Variants in CAPN14 observed in about 807,000 individuals in gnomAD.
CAPN14 encodes the protein calpain 14, also known as calpain-14.
Under a neutral mutation model 101.3 loss-of-function variants are expected in CAPN14, and 94 were observed. The ratio of observed to expected loss-of-function variants is 0.93; its 90% CI spans 0.79 to 1.10. The LOEUF is 1.10. Among genes scored for constraint, CAPN14 ranks in the 50% least tolerant of loss-of-function variants. CAPN14 has a pLI of 0.00. For missense variants in CAPN14, 837 were observed against 828.4 expected, an observed-to-expected ratio of 1.01 and a Z score of -0.13; for synonymous variants, 338 against 317.9, an observed-to-expected ratio of 1.06 and a Z score of -0.67.
chr2:31,203,287 T>C, intron 2 of CAPN14, 148 bp from the exon 3 acceptor site: 1 of 624,996 alleles, frequency 1.6e-6, no homozygotes, highest in Non-Finnish European at 2.8e-6. Flanking sequence ...CCAGAAGATC[T>C]GGGATACAGA....
At chr2:31,193,334 G>C (rs768214610) in intron 9 of CAPN14, 40 bp from the exon 10 acceptor site, 18 of 1,544,634 alleles carry the variant, frequency 1.2e-5, no homozygotes, top group African/African-American at 6.9e-5. Context: ...AGATGGACCA[G>C]ATAACGCCTA....
chr2:31,211,483 T>A (rs890245716), intron 1 of CAPN14, among the ~76,000 whole-genome samples: 1 of 152,146 alleles, frequency 6.6e-6, no homozygotes, highest in Non-Finnish European at 1.5e-5. Flanking sequence ...GGAAAAAAAA[T>A]CTATTCTTCA....
chr2:31,197,274 C>A lies in CAPN14; in HGVS notation c.850G>T (p.Glu284Ter). Reference protein sequence around the residue: ...VKLRNPWGKVEWKGDWSDSSS... With the variant: ...VKLRNPWGKV ...CTGTCACTCCAGTCTCCTTTCCATT[C>A]CACCTTTCCCCAGGGGTTCCGTAGC... The change falls in exon 8 of 22, where the codon GAA (glutamate) becomes TAA (stop). Residue 284 changes from glutamate (E) to a stop codon, truncating the protein, a stop_gained. Coordinates refer to ENST00000403897, the MANE Select transcript of CAPN14 (RefSeq NM_001145122.2). LOFTEE classifies it high-confidence loss of function. The A allele has an allele frequency of 6.4e-7, 1 of 1,551,246 alleles. No individual in the cohort carries two copies. Among genetic ancestry groups the A allele is most frequent in the South Asian group, 1.2e-5 (1 of 84,054 alleles).
At position 31,176,653 on chromosome 2, in the gene CAPN14, G is replaced by A; in HGVS notation, c.1973-11C>T. ...AGTTTTGGAAGACATCTGTGAAAATGCAGCAGAAAGGAATACAGCTAATGT... is the reference window on the plus strand; with the variant it reads ...AGTTTTGGAAGACATCTGTGAAAATACAGCAGAAAGGAATACAGCTAATGT... On this transcript the variant is annotated splice_polypyrimidine_tract_variant and intron_variant, in intron 20 of 21. Transcript: ENST00000403897. 1 of 1,549,586 alleles carries A rather than the reference G, an allele frequency of 6.5e-7. No homozygotes were observed. Among genetic ancestry groups the A allele is most frequent in the Non-Finnish European group, 8.7e-7 (1 of 1,145,048 alleles).
intron 12 of CAPN14, among the ~76,000 whole-genome samples, chr2:31,190,811 G>C (rs1338405129): frequency 6.6e-6 from 1 of 152,146 alleles, no homozygotes; most frequent in Non-Finnish European, 1.5e-5. Context: ...TTTTACTCCT[G>C]TTTTCTTTGG....
chr2:31,222,190 T>C (rs1682880427), upstream of CAPN14, among the ~76,000 whole-genome samples: 1 of 152,220 alleles, frequency 6.6e-6, no homozygotes, highest in African/African-American at 2.4e-5. Flanking sequence ...AAGGTTTATC[T>C]GTGCCTTTCA....
chr2:31,199,616 C>A (rs962694512), intron 6 of CAPN14, 84 bp from the exon 7 acceptor site: 1 of 1,148,824 alleles, frequency 8.7e-7, no homozygotes, highest in African/African-American at 1.6e-5. Context: ...TTGGCTGGAG[C>A]AGGGGTTTAT....
chr2:31,176,703 G>C lies in CAPN14; in HGVS notation c.1973-61C>G, dbSNP rs1680310024. On this transcript the variant is annotated intron_variant, in intron 20 of 21. Coordinates refer to ENST00000403897, the MANE Select transcript of CAPN14 (RefSeq NM_001145122.2). ...TGTCTATTGGAAACATTATGAATTAGTTCCTCCCATATGTCTCACCTTAAC... is the reference window on the plus strand; with the variant it reads ...TGTCTATTGGAAACATTATGAATTACTTCCTCCCATATGTCTCACCTTAAC... 5 of 1,414,662 alleles carry C rather than the reference G, an allele frequency of 3.5e-6. No individual in the cohort carries two copies. The South Asian group carries it at 4.9e-5, about 14-fold the overall frequency. 87.6% of individuals were successfully genotyped at this position (1,414,662 alleles called of 1,614,324 possible).
intron 21 of CAPN14, among the ~76,000 whole-genome samples, chr2:31,174,909 A>C (rs1315621994): frequency 3.9e-5 from 6 of 152,242 alleles, no homozygotes; most frequent in African/African-American, 1.2e-4. Flanking sequence ...GAATGATGAC[A>C]GTCAAATACA....
At chr2:31,229,977 T>G (rs1217145022) in intron 1 of CAPN14, among the ~76,000 whole-genome samples, 1 of 152,244 alleles carries the variant, frequency 6.6e-6, no homozygotes, top group African/African-American at 2.4e-5. Context: ...CACCATATTT[T>G]GGCATAGGTA....
intron 12 of CAPN14, 92 bp from the exon 13 acceptor site, chr2:31,189,570 G>A (rs972254699): frequency 3.2e-5 from 34 of 1,052,496 alleles, no homozygotes; most frequent in Non-Finnish European, 4.7e-5. Context: ...CCAGGACTAA[G>A]GTGGCCTCTG....
intron 1 of CAPN14, among the ~76,000 whole-genome samples, chr2:31,229,908 C>T (rs1288219931): frequency 6.6e-6 from 1 of 152,162 alleles, no homozygotes; most frequent in Non-Finnish European, 1.5e-5. Flanking sequence ...TGACCTGAAA[C>T]ATTAATGAAA....
chr2:31,184,795 A>G (rs1477257803), intron 16 of CAPN14, among the ~76,000 whole-genome samples: 2 of 152,224 alleles, frequency 1.3e-5, no homozygotes, highest in Non-Finnish European at 2.9e-5. Context: ...CTGGAACACA[A>G]TTTTAAAAGC....
intron 16 of CAPN14, among the ~76,000 whole-genome samples, chr2:31,185,803 T>G (rs140089545): frequency 6.2e-4 from 94 of 152,374 alleles, no homozygotes; most frequent in African/African-American, 2.2e-3. Context: ...ATACTCTGGT[T>G]GTTTTACTTT....
At chr2:31,186,778 T>A (rs1680920302) in intron 15 of CAPN14, among the ~76,000 whole-genome samples, 1 of 152,256 alleles carries the variant, frequency 6.6e-6, no homozygotes, top group Admixed American at 6.5e-5. Flanking sequence ...TAGAGTTTAT[T>A]AAAAGAAACT....
At chr2:31,176,887 G>C in intron 20 of CAPN14, 139 bp downstream of exon 20, 2 of 712,156 alleles carry the variant, frequency 2.8e-6, no homozygotes, top group Non-Finnish European at 2.4e-6. Flanking sequence ...CAGGCACTTG[G>C]CTGGAGGTCC....
rs1380733263 is a variant in CAPN14 at position 31,202,243 on chromosome 2, C to T, written c.305G>A (p.Trp102Ter). The change falls in exon 4 of 22, where the codon TGG becomes TAG. Residue 102 changes from tryptophan to a stop codon, truncating the protein, a stop_gained. Transcript: ENST00000403897. LOFTEE classifies it high-confidence loss of function. ...DLCQGIVGDC[W>*]FLAALQALAL... ...CAGAGCTTGCAAAGCAGCCAAGAAC[C>T]AGCAGTCTCCTAAGTCAGACAGCAC... 1 of 1,551,502 alleles carries T rather than the reference C, an allele frequency of 6.4e-7. No individual in the cohort carries two copies. Among genetic ancestry groups the T allele is most frequent in the South Asian group, 1.2e-5 (1 of 84,058 alleles).
intron 2 of CAPN14, among the ~76,000 whole-genome samples, chr2:31,224,696 A>C (rs1448634699): frequency 6.6e-6 from 1 of 151,990 alleles, no homozygotes; most frequent in Non-Finnish European, 1.5e-5. Flanking sequence ...AAATAACTAT[A>C]TATATTGTTT....
At chr2:31,190,539 T>C (rs1681126474) in intron 12 of CAPN14, among the ~76,000 whole-genome samples, 1 of 152,160 alleles carries the variant, frequency 6.6e-6, no homozygotes, top group Non-Finnish European at 1.5e-5. Context: ...CTAGCTCTCA[T>C]CCCTTTGTTA....
Sources: allele counts gnomAD v4.1 joint callset (sites outside exome capture counted in the v4.1 genomes callset), GRCh38; gene constraint gnomAD v4.1.1; transcripts MANE v1.5; gene names NCBI Gene and HGNC (gene_info 2026-07-23, HGNC 2026-07-21).